The following CRPPA variants were observed in gnomAD, a reference collection of about 807,000 sequenced individuals.
CRPPA encodes CDP-L-ribitol pyrophosphorylase A, also known as D-ribitol-5-phosphate cytidylyltransferase.
A neutral mutation model predicts 52.0 loss-of-function variants in CRPPA; 43 were observed. The observed-to-expected ratio is 0.83, with a 90% CI of 0.65 to 1.07. CRPPA has a LOEUF of 1.07. Ranked by LOEUF, CRPPA falls within the 50% of genes least tolerant of loss-of-function variation. CRPPA has a pLI of 0.00. For missense variants in CRPPA, 629 were observed against 551.7 expected (o/e 1.14, Z -1.40); for synonymous variants, 250 against 203.5 (o/e 1.23, Z -1.94).
intron 3 of CRPPA, among the ~76,000 whole-genome samples, chr7:16,314,552 T>C (rs1785102639): frequency 2.0e-5 from 3 of 152,114 alleles, no homozygotes; most frequent in African/African-American, 7.2e-5. Context: ...TTCTGACCTA[T>C]ATAAATTTCT....
chr7:16,102,881 G>T (rs551025633), intron 9 of CRPPA, among the ~76,000 whole-genome samples: 1 of 152,176 alleles, frequency 6.6e-6, no homozygotes, highest in Non-Finnish European at 1.5e-5. Flanking sequence ...TTCAACCATT[G>T]TGGAAGACAG....
chr7:16,341,664 G>A (rs537462163), intron 3 of CRPPA, among the ~76,000 whole-genome samples: 122 of 151,504 alleles, frequency 8.1e-4, no homozygotes, highest in African/African-American at 2.9e-3. Flanking sequence ...TTATTTTAGG[G>A]ACTTTAATTA....
In CRPPA at chr7:16,279,870, G is replaced by C. The variant is rs1043063034; in HGVS notation, c.836-1644C>G. Among the ~76,000 whole-genome samples the C allele has an allele frequency of 2.0e-5, 3 of 152,200 alleles. No individual in the cohort carries two copies. In the East Asian group the frequency reaches 5.8e-4, roughly 29 times the overall value. On this transcript the variant is annotated intron_variant, in intron 5 of 9. Coordinates refer to ENST00000407010, the MANE Select transcript of CRPPA (RefSeq NM_001101426.4). ...ACACTCCTGATAAAGATATACCAGA[G>C]ACTGGGCAATTTACAAAAGAAAGAA...
intron 8 of CRPPA, 63 bp from the exon 9 acceptor site, chr7:16,216,260 A>G (rs928552658): frequency 6.5e-6 from 7 of 1,076,534 alleles, no homozygotes; most frequent in African/African-American, 3.2e-5. Context: ...GGAGGGAAAA[A>G]ACATTAAAGA....
intron 6 of CRPPA, among the ~76,000 whole-genome samples, chr7:16,273,156 A>G (rs1295133): frequency 0.15 from 21,201 of 143,202 alleles, 1,678 homozygotes; most frequent in African/African-American, 0.22. Flanking sequence ...AAAGAACTGC[A>G]TAGTACTGAT....
At chr7:16,141,718 T>C (rs938236019) in intron 9 of CRPPA, among the ~76,000 whole-genome samples, 1 of 152,224 alleles carries the variant, frequency 6.6e-6, no homozygotes, top group East Asian at 1.9e-4. Flanking sequence ...ATGCAAGCCT[T>C]GATCTTCCAC....
chr7:16,335,622 C>A, intron 3 of CRPPA, among the ~76,000 whole-genome samples: 1 of 151,878 alleles, frequency 6.6e-6, no homozygotes. Flanking sequence ...TAAAGAAGGC[C>A]TAGGAGAATT....
At chr7:16,329,688 A>G (rs1256244250) in intron 3 of CRPPA, among the ~76,000 whole-genome samples, 1 of 152,180 alleles carries the variant, frequency 6.6e-6, no homozygotes, top group African/African-American at 2.4e-5. Flanking sequence ...CACGTAAACA[A>G]TCTTCTACAC....
intron 3 of CRPPA, among the ~76,000 whole-genome samples, chr7:16,351,481 G>A (rs753119829): frequency 1.2e-4 from 18 of 152,150 alleles, no homozygotes; most frequent in South Asian, 4.2e-4. Context: ...GCAACCTACA[G>A]AATGGGAGAA....
intron 9 of CRPPA, among the ~76,000 whole-genome samples, chr7:16,164,980 G>A (rs10046600): frequency 0.033 from 5,056 of 152,092 alleles, 279 homozygotes; most frequent in African/African-American, 0.12. Context: ...AGGGGCGTCA[G>A]GGACCCACTT....
intron 9 of CRPPA, among the ~76,000 whole-genome samples, chr7:16,130,292 G>A (rs1195837415): frequency 6.6e-6 from 1 of 152,124 alleles, no homozygotes; most frequent in Non-Finnish European, 1.5e-5. Flanking sequence ...AGAACAAAGA[G>A]TATCTCTAAA....
intron 9 of CRPPA, among the ~76,000 whole-genome samples, chr7:16,170,758 A>G (rs549446722): frequency 6.6e-6 from 1 of 152,284 alleles, no homozygotes; most frequent in East Asian, 1.9e-4. Context: ...TGAGAATTCA[A>G]GCGGGGTACA....
intron 9 of CRPPA, among the ~76,000 whole-genome samples, chr7:16,177,202 G>A (rs186632476): frequency 9.0e-4 from 137 of 152,144 alleles, no homozygotes; most frequent in African/African-American, 3.1e-3. Context: ...TTGTAGTGGA[G>A]GAACTGTTTT....
rs1456510061 is a variant in CRPPA at position 16,090,205 on chromosome 7, T to C, written c.*1490A>G. 1 of 152,106 alleles carries C rather than the reference T, an allele frequency of 6.6e-6. No individual in the cohort carries two copies. The allele number at this position is 152,106 out of a possible 1,614,324, so 9.4% of individuals were successfully genotyped here. On this transcript the variant is annotated 3_prime_UTR_variant, in exon 10 of 10. Coordinates refer to ENST00000407010, the MANE Select transcript of CRPPA (RefSeq NM_001101426.4). ...CAGGAATTTAGATACAAGCCTACAT[T>C]CAAATAACACATTTCAATTAGGAGA...
chr7:16,378,547 T>G (rs1445809862), intron 2 of CRPPA, among the ~76,000 whole-genome samples: 2 of 152,058 alleles, frequency 1.3e-5, no homozygotes, highest in East Asian at 1.9e-4. Context: ...TATTTGCTAT[T>G]GTGAATAGTG....
chr7:16,399,530 G>A (rs1334451122), intron 2 of CRPPA, among the ~76,000 whole-genome samples: 1 of 151,906 alleles, frequency 6.6e-6, no homozygotes, highest in African/African-American at 2.4e-5. Context: ...TGATTGACAC[G>A]TGACTGACAC....
intron 9 of CRPPA, among the ~76,000 whole-genome samples, chr7:16,165,140 TAA>T (rs1781026065): frequency 6.6e-6 from 1 of 152,030 alleles, no homozygotes; most frequent in Non-Finnish European, 1.5e-5. Context: ...TTTAATTTTA[TAA>T]GTCTATTTTC....
chr7:16,297,233 C>A (rs768125570), intron 5 of CRPPA, among the ~76,000 whole-genome samples: 1 of 152,166 alleles, frequency 6.6e-6, no homozygotes, highest in Non-Finnish European at 1.5e-5. Flanking sequence ...ATGTATATAT[C>A]TTACAGCGTT....
At chr7:16,375,962 AT>A in intron 3 of CRPPA, 129 bp downstream of exon 3, 1 of 852,140 alleles carries the variant, frequency 1.2e-6, no homozygotes, top group Non-Finnish European at 1.7e-6. Context: ...TTAATACTTC[AT>A]TGTAATAAGT....
Sources: gnomAD v4.1 joint callset for allele counts (sites outside exome capture counted in the v4.1 genomes callset) on GRCh38, gnomAD v4.1.1 for gene constraint, MANE v1.5 for transcripts, NCBI Gene and HGNC (gene_info 2026-07-23, HGNC 2026-07-21) for gene names.